Variants in WIPI1 observed in about 807,000 individuals in gnomAD.
WIPI1 encodes the protein WD repeat domain, phosphoinositide interacting 1, also known as WD repeat domain phosphoinositide-interacting protein 1.
WIPI1 carries 45 observed loss-of-function variants against 55.3 expected under a neutral mutation model. That is an observed-to-expected ratio of 0.81 (90% CI 0.64 to 1.04). The LOEUF (loss-of-function observed/expected upper bound fraction) is 1.04, where lower values mean the gene tolerates loss of function less well. Ranked by LOEUF, WIPI1 falls within the 50% of genes least tolerant of loss-of-function variation. The pLI, the probability that WIPI1 is intolerant of heterozygous loss-of-function variation, is 0.00. For synonymous variants in WIPI1, 195 were observed against 217.6 expected (o/e 0.90, Z 0.92); for missense variants, 445 against 559.0 (o/e 0.80, Z 2.06).
At chr17:68,431,706 C>T (rs1288209213) in intron 8 of WIPI1, among the ~76,000 whole-genome samples, 2 of 8,560 alleles carry the variant, frequency 2.3e-4, no homozygotes, top group African/African-American at 1.4e-3. Context: ...CCCTGGCCAG[C>T]GAAGCAGGGC....
chr17:68,435,067 C>T (rs748631800), intron 6 of WIPI1, among the ~76,000 whole-genome samples: 5 of 152,154 alleles, frequency 3.3e-5, no homozygotes, highest in African/African-American at 4.8e-5. Flanking sequence ...ATTAGCCAGG[C>T]GTGGCAGCAT....
At position 68,457,475 on chromosome 17, in the gene WIPI1, A is replaced by G; in HGVS notation, c.-54T>C. 7.3e-7 allele frequency: 1 copy of G among 1,363,550 alleles called. No individual in the cohort carries two copies. Among genetic ancestry groups the G allele is most frequent in the Non-Finnish European group, 9.4e-7 (1 of 1,058,542 alleles). The allele number at this position is 1,363,550 out of a possible 1,614,324, so 84.5% of individuals were successfully genotyped here. On this transcript the variant is annotated 5_prime_UTR_variant, in exon 1 of 13. Transcript: ENST00000262139. ...CGGAGCCGGCGACAGCCACCTCAGC[A>G]GCCCGCCCGCGCCGGCTCCACGGGC...
At chr17:68,450,254 C>T (rs1389366116) in intron 3 of WIPI1, among the ~76,000 whole-genome samples, 2 of 152,296 alleles carry the variant, frequency 1.3e-5, no homozygotes, top group African/African-American at 4.8e-5. Flanking sequence ...GAGCTGAGGA[C>T]GTGGTGGGAG....
intron 9 of WIPI1, among the ~76,000 whole-genome samples, chr17:68,429,387 C>T (rs1010469718): frequency 6.6e-6 from 1 of 152,040 alleles, no homozygotes; most frequent in African/African-American, 2.4e-5. Flanking sequence ...ATCTGTCAGC[C>T]CCATAGGAGT....
rs115680682 is a variant in WIPI1 at position 68,435,834 on chromosome 17, G to A, written c.529-122C>T. 655 of 874,344 alleles carry A rather than the reference G, an allele frequency of 7.5e-4. 1 individual carries two copies. In the African/African-American group the frequency reaches 9.6e-3, roughly 13 times the overall value. 54.2% of individuals were successfully genotyped at this position (874,344 alleles called of 1,614,324 possible). On this transcript the variant is annotated intron_variant, in intron 5 of 12. Coordinates refer to ENST00000262139, the MANE Select transcript of WIPI1 (RefSeq NM_017983.7). Reference sequence around the variant, plus strand: ...TGTCCAGCTCCCTGTCTCTTCCTCTGTCCCCCAGGCCATCTGCATGTAAGC... The same window carrying A: ...TGTCCAGCTCCCTGTCTCTTCCTCTATCCCCCAGGCCATCTGCATGTAAGC...
intron 4 of WIPI1, among the ~76,000 whole-genome samples, chr17:68,438,255 A>G (rs374257640): frequency 8.2e-6 from 1 of 122,154 alleles, no homozygotes; most frequent in Non-Finnish European, 1.9e-5. Context: ...CAGCCCTGCC[A>G]CCCCTTTGGC....
At chr17:68,438,027 T>C (rs893209170) in intron 4 of WIPI1, among the ~76,000 whole-genome samples, 1 of 147,616 alleles carries the variant, frequency 6.8e-6, no homozygotes, top group Non-Finnish European at 1.5e-5. Flanking sequence ...TCTAAAAGTA[T>C]AAGAAAAAAC....
chr17:68,442,527 A>G (rs953852666), intron 4 of WIPI1, among the ~76,000 whole-genome samples: 3 of 151,886 alleles, frequency 2.0e-5, no homozygotes, highest in African/African-American at 7.3e-5. Flanking sequence ...GTCCTGAAGC[A>G]ACCCTGTCCT....
intron 3 of WIPI1, among the ~76,000 whole-genome samples, chr17:68,445,914 C>T (rs377408816): frequency 5.3e-5 from 8 of 152,282 alleles, no homozygotes; most frequent in Non-Finnish European, 1.0e-4. Context: ...GGGCTCTCCC[C>T]GGAGATTCTG....
chr17:68,427,168 T>C lies in WIPI1; in HGVS notation c.1159A>G (p.Arg387Gly). Residue 387 changes from arginine (R) to glycine (G), a missense_variant, in exon 11 of 13, where the codon AGA becomes GGA. Physicochemically the swap from Arg to Gly is moderately radical, Grantham distance 125. Transcript: ENST00000262139. The part of the protein sequence containing the change: ...LPQSYAATVA[R>G]PSASSASTVP... The stretch of plus-strand genomic sequence containing the variant: ...GTGGAGGCTGAAGATGCACTTGGTC[T>C]GGCTACGGTCGCTGCATAAGACTGA... The C allele has an allele frequency of 6.2e-7, 1 of 1,614,124 alleles. No individual in the cohort carries two copies. Among genetic ancestry groups the C allele is most frequent in the Non-Finnish European group, 8.5e-7 (1 of 1,180,002 alleles).
chr17:68,436,206 G>A (rs529356653), intron 5 of WIPI1, among the ~76,000 whole-genome samples, 176 bp downstream of exon 5: 1 of 152,286 alleles, frequency 6.6e-6, no homozygotes, highest in African/African-American at 2.4e-5. Flanking sequence ...CTTATGGTGA[G>A]GTTGACTCAC....
Position 68,421,402 on chromosome 17 carries a change from T to C in WIPI1, c.*371A>G, listed in dbSNP as rs1054030045. On this transcript the variant is annotated 3_prime_UTR_variant, in exon 13 of 13. Transcript: ENST00000262139. ...AAAGAGTCTCTCTCTAAGTATGTAA[T>C]ATACAAGAAATACAATTCAAAGAGA... 1 of 228,524 alleles carries C rather than the reference T, an allele frequency of 4.4e-6. No individual in the cohort carries two copies. Among genetic ancestry groups the C allele is most frequent in the African/African-American group, 2.2e-5 (1 of 45,448 alleles). 14.2% of individuals were successfully genotyped at this position (228,524 alleles called of 1,614,324 possible). A position where few individuals can be genotyped will look rare whatever the true frequency, so the allele number is the denominator to read the frequency against.
intron 9 of WIPI1, among the ~76,000 whole-genome samples, chr17:68,429,177 T>C (rs1333995795): frequency 6.6e-6 from 1 of 151,914 alleles, no homozygotes; most frequent in East Asian, 1.9e-4. Context: ...GTGTAGATGC[T>C]GCGACCCTGC....
intron 1 of WIPI1, among the ~76,000 whole-genome samples, chr17:68,455,111 C>T (rs1014907337): frequency 6.6e-6 from 1 of 152,052 alleles, no homozygotes; most frequent in African/African-American, 2.4e-5. Context: ...TCTGTAATCC[C>T]AGCATTTTGG....
At position 68,430,147 on chromosome 17, in the gene WIPI1, G is replaced by C; in HGVS notation, c.814C>G (p.Pro272Ala). 1 of 1,613,256 alleles carries C rather than the reference G, an allele frequency of 6.2e-7. No homozygotes were observed. Among genetic ancestry groups the C allele is most frequent in the East Asian group, 2.2e-5 (1 of 44,876 alleles). ...CCCATGTAGCCACTCCAGGTCGAAG[G>C]CTCTTCTGGTCGACTAGGGAGTAAT... ...EQVTNSRPEE[P>A]STWSGYMGKM... Residue 272 changes from proline (P) to alanine (A), a missense_variant, in exon 9 of 13, where the codon CCT (proline) becomes GCT (alanine). Pro to Ala is a conservative substitution (Grantham distance 27). Coordinates refer to ENST00000262139, the MANE Select transcript of WIPI1 (RefSeq NM_017983.7).
chr17:68,436,257 A>T (rs2083780360), intron 5 of WIPI1, 125 bp downstream of exon 5: 1 of 799,342 alleles, frequency 1.3e-6, no homozygotes, highest in Non-Finnish European at 2.1e-6. Flanking sequence ...CTCTTGAACA[A>T]CTCCCCAGTA....
chr17:68,434,070 C>G (rs2083666005), intron 7 of WIPI1, among the ~76,000 whole-genome samples: 1 of 151,944 alleles, frequency 6.6e-6, no homozygotes, highest in African/African-American at 2.4e-5. Flanking sequence ...GCGCCCGGCC[C>G]ATAGTCTTAT....
intron 11 of WIPI1, among the ~76,000 whole-genome samples, chr17:68,426,691 C>T (rs1466047755): frequency 6.6e-6 from 1 of 152,098 alleles, no homozygotes; most frequent in East Asian, 1.9e-4. Flanking sequence ...TGCCAACATG[C>T]CCAGCTAATT....
intron 1 of WIPI1, among the ~76,000 whole-genome samples, chr17:68,455,564 C>A (rs1042164494): frequency 1.6e-4 from 24 of 152,094 alleles, no homozygotes; most frequent in African/African-American, 5.8e-4. Flanking sequence ...ATTTTAAAAT[C>A]CAATGTCATA....
Sources: gnomAD v4.1 joint callset for allele counts (sites outside exome capture counted in the v4.1 genomes callset) on GRCh38, gnomAD v4.1.1 for gene constraint, MANE v1.5 for transcripts, NCBI Gene and HGNC (gene_info 2026-07-23, HGNC 2026-07-21) for gene names.